SCG3: variants seen among roughly 807,000 people sequenced by gnomAD.
SCG3 encodes the protein secretogranin-3.
SCG3 carries 38 observed loss-of-function variants against 56.2 expected under a neutral mutation model. That is an observed-to-expected ratio of 0.68 (90% CI 0.52 to 0.89). SCG3 has a LOEUF of 0.89. Ranked by LOEUF, SCG3 falls within the 40% of genes least tolerant of loss-of-function variation. SCG3 has a pLI of 0.00. For missense variants in SCG3, 524 were observed against 540.7 expected (o/e 0.97, Z 0.31); for synonymous variants, 176 against 184.2 (o/e 0.96, Z 0.36).
At chr15:51,687,385 G>C (rs2055235926) in intron 4 of SCG3, among the ~76,000 whole-genome samples, 1 of 152,184 alleles carries the variant, frequency 6.6e-6, no homozygotes, top group African/African-American at 2.4e-5. Flanking sequence ...ATTCAATGTA[G>C]TATAGATTGG....
At chr15:51,689,502 C>T (rs1346773422) in intron 6 of SCG3, 134 bp downstream of exon 6, 20 of 1,145,898 alleles carry the variant, frequency 1.7e-5, no homozygotes, top group Non-Finnish European at 2.2e-5. Flanking sequence ...ATTTTTAGCC[C>T]ATTTATATTC....
intron 4 of SCG3, among the ~76,000 whole-genome samples, chr15:51,686,143 G>C (rs1306484094): frequency 6.6e-6 from 1 of 152,188 alleles, no homozygotes; most frequent in Non-Finnish European, 1.5e-5. Context: ...TTAAACCCAT[G>C]TTTGGCTCCC....
chr15:51,706,167 G>A (rs1423072870), intron 10 of SCG3, among the ~76,000 whole-genome samples: 1 of 152,168 alleles, frequency 6.6e-6, no homozygotes, highest in Non-Finnish European at 1.5e-5. Flanking sequence ...TTGTCTCTAG[G>A]TAGAAAAAGA....
intron 2 of SCG3, 127 bp downstream of exon 2, chr15:51,682,696 C>G: frequency 1.6e-6 from 1 of 620,892 alleles, no homozygotes; most frequent in South Asian, 2.3e-5. Context: ...AGTTAATTGA[C>G]AGAAATTAGG....
At position 51,704,956 on chromosome 15, in the gene SCG3, G is replaced by T. The variant is rs189491845; in HGVS notation, c.1207+3712G>T. On this transcript the variant is annotated intron_variant, in intron 10 of 11. Coordinates refer to ENST00000220478, the MANE Select transcript of SCG3 (RefSeq NM_013243.4). The stretch of plus-strand genomic sequence containing the variant: ...AAATTTCTACCAATCGTGTGCAAGA[G>T]TTCCAGTTTCTCTACATCCTTGCCT... Among the ~76,000 whole-genome samples, 257 of 151,784 alleles carry T rather than the reference G, an allele frequency of 1.7e-3. 8 individuals are homozygous for T. The highest frequency in any genetic ancestry group is 0.016 in the Admixed American group (247 of 15,240).
In SCG3 at chr15:51,695,901, C is replaced by T. The variant is rs778209259; in HGVS notation, c.895C>T (p.Leu299=). The change falls in exon 8 of 12, where the codon CTG becomes TTG. Residue 299 remains leucine (L), a synonymous_variant. Coordinates refer to ENST00000220478, the MANE Select transcript of SCG3 (RefSeq NM_013243.4). ...AAAAGAAGCAAAAGAGAAAGAAACA[C>T]TGATTACTATCATGAAAACACTGAT... ...SEKEAKEKET[L]ITIMKTLIDF... The T allele has an allele frequency of 3.1e-6, 5 of 1,605,446 alleles. No homozygotes were observed. The highest frequency in any genetic ancestry group is 1.7e-5 in the Admixed American group (1 of 59,532).
intron 10 of SCG3, among the ~76,000 whole-genome samples, chr15:51,707,244 C>T (rs1322842595): frequency 2.0e-5 from 3 of 152,114 alleles, no homozygotes; most frequent in African/African-American, 7.2e-5. Context: ...TCTAAGATAA[C>T]TTTCACTTAA....
chr15:51,699,976 A>G (rs2055329263), intron 9 of SCG3, among the ~76,000 whole-genome samples: 1 of 152,234 alleles, frequency 6.6e-6, no homozygotes, highest in South Asian at 2.1e-4. Context: ...GGGTGGAACA[A>G]AAAGAGAAAA....
chr15:51,707,140 G>A (rs1294780145), intron 10 of SCG3, among the ~76,000 whole-genome samples: 1 of 151,944 alleles, frequency 6.6e-6, no homozygotes, highest in Non-Finnish European at 1.5e-5. Context: ...ATCATCCAAG[G>A]GATGAAATAA....
Position 51,683,567 on chromosome 15 carries a change from C to T in SCG3, c.397+133C>T, listed in dbSNP as rs112359888. Reference sequence around the variant, plus strand: ...AGTCAAGTCCAAAATTGAGATAAAGCATATATTTACTGATAACATGTAGAG... The same window carrying T: ...AGTCAAGTCCAAAATTGAGATAAAGTATATATTTACTGATAACATGTAGAG... On this transcript the variant is annotated intron_variant, in intron 4 of 11. Transcript: ENST00000220478. 26 of 554,932 alleles carry T rather than the reference C, an allele frequency of 4.7e-5. No individual in the cohort carries two copies. The African/African-American group carries it at 4.8e-4, about 10-fold the overall frequency. The allele number at this position is 554,932 out of a possible 1,614,324, so 34.4% of individuals were successfully genotyped here. A position where few individuals can be genotyped will look rare whatever the true frequency, so the allele number is the denominator to read the frequency against.
intron 4 of SCG3, among the ~76,000 whole-genome samples, chr15:51,686,012 T>C (rs1567215852): frequency 6.6e-6 from 1 of 152,216 alleles, no homozygotes; most frequent in Admixed American, 6.5e-5. Flanking sequence ...ATTGAACAAA[T>C]GAATGTCAAG....
chr15:51,691,524 G>T (rs1358681867), intron 6 of SCG3, among the ~76,000 whole-genome samples: 6 of 152,172 alleles, frequency 3.9e-5, no homozygotes, highest in Non-Finnish European at 8.8e-5. Flanking sequence ...AATTTTGAAA[G>T]TGGGGCCAAC....
rs188960674 is a variant in SCG3, at chr15:51,700,011, T to A, written c.1069+609T>A. 4.6e-3 allele frequency among the ~76,000 whole-genome samples: 703 copies of A among 152,374 alleles called. 10 individuals carry two copies. The highest frequency in any genetic ancestry group is 0.016 in the African/African-American group (658 of 41,586). ...AGTTTGCAAATGGCAGATTCTTTTT[T>A]AAATTTGTTTAGCTATTAATGACAA... On this transcript the variant is annotated intron_variant, in intron 9 of 11. Coordinates refer to ENST00000220478, the MANE Select transcript of SCG3 (RefSeq NM_013243.4).
intron 11 of SCG3, among the ~76,000 whole-genome samples, chr15:51,717,377 A>C (rs1305211045): frequency 6.6e-6 from 1 of 151,578 alleles, no homozygotes; most frequent in African/African-American, 2.4e-5. Flanking sequence ...CAAAAAAAAA[A>C]AAAAAATTAG....
chr15:51,709,887 A>AT (rs67775073), intron 10 of SCG3, among the ~76,000 whole-genome samples: 15,916 of 84,852 alleles, frequency 0.19, 1,979 homozygotes, highest in Non-Finnish European at 0.24. Flanking sequence ...CGCCCGGCTA[A>AT]TTTTTTTTTT....
intron 10 of SCG3, among the ~76,000 whole-genome samples, chr15:51,702,604 C>T (rs1463506263): frequency 6.6e-6 from 1 of 152,106 alleles, no homozygotes; most frequent in East Asian, 1.9e-4. Flanking sequence ...AAGAAAAAGA[C>T]TCAATGAGGT....
chr15:51,692,261 A>G lies in SCG3; in HGVS notation c.793A>G (p.Thr265Ala). 3 of 1,614,116 alleles carry G rather than the reference A, an allele frequency of 1.9e-6. No homozygotes were observed. Among genetic ancestry groups the G allele is most frequent in the Non-Finnish European group, 2.5e-6 (3 of 1,179,970 alleles). Residue 265 changes from threonine (T) to alanine (A), a missense_variant, in exon 7 of 12, where the codon ACC (threonine) becomes GCC (alanine). Coordinates refer to ENST00000220478, the MANE Select transcript of SCG3 (RefSeq NM_013243.4). Reference protein sequence around the residue: ...LTNGLERRTKTYSEDNFEELQ... With the variant: ...LTNGLERRTKAYSEDNFEELQ... Reference sequence around the variant, plus strand: ...AAATGGCTTGGAAAGGAGAACTAAAACCTACAGTGAAGACAACTTTGAGGA... The same window carrying G: ...AAATGGCTTGGAAAGGAGAACTAAAGCCTACAGTGAAGACAACTTTGAGGA...
intron 6 of SCG3, among the ~76,000 whole-genome samples, chr15:51,690,102 G>C (rs1244734135): frequency 6.6e-6 from 1 of 152,110 alleles, no homozygotes; most frequent in Non-Finnish European, 1.5e-5. Context: ...GAAGTGGGTT[G>C]ACTAGATCTT....
chr15:51,704,608 GTCCTCAATGT>G (rs1156971564), intron 10 of SCG3, among the ~76,000 whole-genome samples: 1 of 150,782 alleles, frequency 6.6e-6, no homozygotes, highest in Non-Finnish European at 1.5e-5. Context: ...TTAGCATCAT[GTCCTCAATGT>G]TCATCCATGT....
Sources: gnomAD v4.1 joint callset for allele counts (sites outside exome capture counted in the v4.1 genomes callset) on GRCh38, gnomAD v4.1.1 for gene constraint, MANE v1.5 for transcripts, NCBI Gene and HGNC (gene_info 2026-07-23, HGNC 2026-07-21) for gene names.